ABCA5: variants seen among roughly 807,000 people sequenced by gnomAD.
ABCA5 encodes ATP binding cassette subfamily A member 5, also known as cholesterol transporter ABCA5.
In ABCA5, 163 loss-of-function variants were observed where a neutral mutation model predicts 206.0. The ratio of observed to expected loss-of-function variants is 0.79; its 90% CI spans 0.70 to 0.90. The LOEUF is 0.90. ABCA5 is among the 40% of genes least tolerant of loss of function. ABCA5 has a pLI of 0.00. For synonymous variants in ABCA5, 609 were observed against 613.8 expected, an observed-to-expected ratio of 0.99 and a Z score of 0.11; for missense variants, 1,859 against 1,912.9, an observed-to-expected ratio of 0.97 and a Z score of 0.53.
At chr17:69,249,642 T>G in intron 37 of ABCA5, 1 of 412,728 alleles carries the variant, frequency 2.4e-6, no homozygotes, top group East Asian at 3.6e-5. Flanking sequence ...CAATAGAGTT[T>G]ATCTACAAAA....
At chr17:69,290,828 A>G (rs935851671) in intron 12 of ABCA5, among the ~76,000 whole-genome samples, 1 of 152,126 alleles carries the variant, frequency 6.6e-6, no homozygotes, top group African/African-American at 2.4e-5. Context: ...AGATAGTATG[A>G]ACATTTACAA....
rs1483425574 is a variant in ABCA5, at chr17:69,245,218, A to G, written c.*2319T>C. The G allele has an allele frequency of 6.6e-6, 1 of 151,932 alleles. No individual in the cohort carries two copies. The highest frequency in any genetic ancestry group is 1.9e-4 in the East Asian group (1 of 5,204). The allele number at this position is 151,932 out of a possible 1,614,324, so 9.4% of individuals were successfully genotyped here. ...AAGAGCCCACAAAAGTAAGATGTAA[A>G]GTACACTCATCATGTTTTTTCTTGC... On this transcript the variant is annotated 3_prime_UTR_variant, in exon 39 of 39. Transcript: ENST00000392676.
Position 69,277,621 on chromosome 17 carries a change from A to G in ABCA5, c.2594+20T>C, listed in dbSNP as rs1266708809. ...CTTAAAAAGCAATCCATCAGGTATAAGGGTGATAATTATACTTACACTGAT... is the reference window on the plus strand; with the variant it reads ...CTTAAAAAGCAATCCATCAGGTATAGGGGTGATAATTATACTTACACTGAT... On this transcript the variant is annotated intron_variant, in intron 19 of 38. Transcript: ENST00000392676. 3.2e-6 allele frequency: 5 copies of G among 1,581,546 alleles called. No individual in the cohort carries two copies. Among genetic ancestry groups the G allele is most frequent in the Non-Finnish European group, 4.3e-6 (5 of 1,163,604 alleles).
At chr17:69,278,460 G>T (rs1279953887) in intron 18 of ABCA5, among the ~76,000 whole-genome samples, 1 of 152,082 alleles carries the variant, frequency 6.6e-6, no homozygotes, top group Non-Finnish European at 1.5e-5. Context: ...TTAGCCTCAG[G>T]CTCAGTTTTC....
chr17:69,274,136 GA>G lies in ABCA5; in HGVS notation c.2595-9del, dbSNP rs373308698. 400 of 1,379,580 alleles carry G rather than the reference GA, an allele frequency of 2.9e-4. No homozygotes were observed. The highest frequency in any genetic ancestry group is 1.5e-3 in the South Asian group (100 of 67,520). 85.5% of individuals were successfully genotyped at this position (1,379,580 alleles called of 1,614,324 possible). A position where few individuals can be genotyped will look rare whatever the true frequency, so the allele number is the denominator to read the frequency against. On this transcript the variant is annotated splice_polypyrimidine_tract_variant and intron_variant, in intron 19 of 38. Coordinates refer to ENST00000392676, the MANE Select transcript of ABCA5 (RefSeq NM_172232.4). The stretch of plus-strand genomic sequence containing the variant: ...ATTAAAAGCAGAAGCAACCTGAAAA[GA>G]AAAAAAAAACAACACAGCTCAGGGT...
Position 69,303,798 on chromosome 17 carries a change from A to ATGTG in ABCA5, c.930+870_930+871insCACA, listed in dbSNP as rs1212369713. Among the ~76,000 whole-genome samples the ATGTG allele has an allele frequency of 6.5e-4, 5 of 7,644 alleles. 1 individual carries two copies. The Admixed American group carries it at 0.022, about 34-fold the overall frequency. 5.0% of individuals were successfully genotyped at this position (7,644 alleles called of 152,430 possible). On this transcript the variant is annotated intron_variant, in intron 7 of 38. Transcript: ENST00000392676. ...AAAAAAAAAAAAAATATATATATAT[A>ATGTG]TATATATATACATACATATATATAT...
intron 25 of ABCA5, 23 bp from the exon 26 acceptor site, chr17:69,261,282 A>G: frequency 6.3e-7 from 1 of 1,579,032 alleles, no homozygotes; most frequent in Non-Finnish European, 8.6e-7. Context: ...ATAAATAAAT[A>G]AAAGTGACAA....
intron 21 of ABCA5, 149 bp downstream of exon 21, chr17:69,271,013 A>G (rs770259535): frequency 3.9e-6 from 4 of 1,037,370 alleles, no homozygotes; most frequent in East Asian, 5.7e-5. Flanking sequence ...GTAATGAAAT[A>G]TATCATAAAT....
intron 24 of ABCA5, 79 bp downstream of exon 24, chr17:69,264,656 A>T: frequency 1.9e-6 from 2 of 1,025,686 alleles, no homozygotes; most frequent in Non-Finnish European, 2.6e-6. Context: ...TTATGCAATA[A>T]GTCAACTGTC....
chr17:69,246,791 G>A lies in ABCA5; in HGVS notation c.*746C>T, dbSNP rs187700777. ...ACCTCCATAGATAACTGTCATTCTA[G>A]CCACAGAGTCAAAGAATCAGACTAT... On this transcript the variant is annotated 3_prime_UTR_variant, in exon 39 of 39. Transcript: ENST00000392676. 10 of 151,984 alleles carry A rather than the reference G, an allele frequency of 6.6e-5. No homozygotes were observed. Among genetic ancestry groups the A allele is most frequent in the Admixed American group, 1.3e-4 (2 of 15,268 alleles). 9.4% of individuals were successfully genotyped at this position (151,984 alleles called of 1,614,324 possible). A position where few individuals can be genotyped will look rare whatever the true frequency, so the allele number is the denominator to read the frequency against.
intron 11 of ABCA5, among the ~76,000 whole-genome samples, chr17:69,293,683 T>C (rs2075551910): frequency 6.6e-6 from 1 of 152,080 alleles, no homozygotes; most frequent in African/African-American, 2.4e-5. Flanking sequence ...TGTCAGCCTG[T>C]CTACAAATTT....
At chr17:69,265,018 T>C (rs1054305937) in intron 23 of ABCA5, 113 bp from the exon 24 acceptor site, 1 of 695,722 alleles carries the variant, frequency 1.4e-6, no homozygotes, top group African/African-American at 1.9e-5. Flanking sequence ...CCAAAAAGGT[T>C]ACATTCCAGG....
chr17:69,245,131 G>C lies in ABCA5; in HGVS notation c.*2406C>G, dbSNP rs1281789560. ...TAAGATAATTTGTGCAAATTTAAAA[G>C]AAAAAAATTATTTTAAAGAAAACCC... On this transcript the variant is annotated 3_prime_UTR_variant, in exon 39 of 39. Transcript: ENST00000392676. 6.7e-6 allele frequency: 1 copy of C among 149,968 alleles called. No individual in the cohort carries two copies. The highest frequency in any genetic ancestry group is 2.4e-5 in the African/African-American group (1 of 40,838). 9.3% of individuals were successfully genotyped at this position (149,968 alleles called of 1,614,324 possible).
chr17:69,277,016 A>G (rs917752918), intron 19 of ABCA5, among the ~76,000 whole-genome samples: 7 of 152,130 alleles, frequency 4.6e-5, no homozygotes, highest in African/African-American at 1.4e-4. Context: ...ACTTAACAAG[A>G]TAGGTGTGTG....
chr17:69,260,566 T>C (rs532291885), intron 26 of ABCA5, among the ~76,000 whole-genome samples, 154 bp from the exon 27 acceptor site: 96 of 152,062 alleles, frequency 6.3e-4, no homozygotes, highest in African/African-American at 2.3e-3. Flanking sequence ...AAATCTTCCC[T>C]GTCCCAAAAT....
At chr17:69,315,010 TTGCAGC>T (rs1223265789) in intron 1 of ABCA5, 2 of 152,296 alleles carry the variant, frequency 1.3e-5, no homozygotes, top group African/African-American at 4.8e-5. Flanking sequence ...GATATGGTGG[TTGCAGC>T]TGCACAAGTG....
chr17:69,270,894 G>A, intron 21 of ABCA5, 144 bp from the exon 22 acceptor site: 1 of 825,518 alleles, frequency 1.2e-6, no homozygotes, highest in Admixed American at 3.5e-5. Context: ...CTCAATGACA[G>A]ATAAAGACAA....
rs746574963 is a variant in ABCA5, at chr17:69,287,622, T to C, written c.2032A>G (p.Ile678Val). 3 of 1,610,376 alleles carry C rather than the reference T, an allele frequency of 1.9e-6. No individual in the cohort carries two copies. Among genetic ancestry groups the C allele is most frequent in the South Asian group, 1.1e-5 (1 of 90,224 alleles). Residue 678 changes from isoleucine to valine, a missense_variant, in exon 15 of 39, where the codon ATT (isoleucine) becomes GTT (valine). Transcript: ENST00000392676. ...AAAACAAAAATCTCACCTGCAAGAATGTCAGCTTCATCCATGAAATGAGTA... is the reference window on the plus strand; with the variant it reads ...AAAACAAAAATCTCACCTGCAAGAACGTCAGCTTCATCCATGAAATGAGTA... ...FSTHFMDEAD[I>V]LADRKAVISQ...
At chr17:69,321,905 G>A (rs1272879975) in intron 1 of ABCA5, among the ~76,000 whole-genome samples, 2 of 151,866 alleles carry the variant, frequency 1.3e-5, no homozygotes, top group Non-Finnish European at 2.9e-5. Context: ...AACTTTCCTA[G>A]ATAAATAATT....
Sources: allele counts gnomAD v4.1 joint callset (sites outside exome capture counted in the v4.1 genomes callset), GRCh38; gene constraint gnomAD v4.1.1; transcripts MANE v1.5; gene names NCBI Gene and HGNC (gene_info 2026-07-23, HGNC 2026-07-21).